The following ZNF248 variants were observed in gnomAD, a reference collection of about 807,000 sequenced individuals.
ZNF248 encodes zinc finger protein 248.
In ZNF248, 20 loss-of-function variants were observed where a neutral mutation model predicts 44.3. That is an observed-to-expected ratio of 0.45 (90% CI 0.32 to 0.66). ZNF248 has a LOEUF of 0.66. Among genes scored for constraint, ZNF248 ranks in the 30% least tolerant of loss-of-function variants. The pLI is 0.04. For synonymous variants in ZNF248, 224 were observed against 229.0 expected (o/e 0.98, Z 0.20); for missense variants, 654 against 677.0 (o/e 0.97, Z 0.38).
At chr10:37,809,507 A>T (rs1400705050) in intron 6 of ZNF248, among the ~76,000 whole-genome samples, 1 of 152,162 alleles carries the variant, frequency 6.6e-6, no homozygotes, top group Non-Finnish European at 1.5e-5. Flanking sequence ...TGAACTCCTG[A>T]CTTGAAGTGA....
At chr10:37,765,030 G>A in the ZNF248 span, among the ~76,000 whole-genome samples, 1 of 151,098 alleles carries the variant, frequency 6.6e-6, no homozygotes, top group African/African-American at 2.4e-5. Flanking sequence ...ATGCAATCTT[G>A]GCTCACCGCA....
In ZNF248 at chr10:37,813,347, T is replaced by C. The variant is rs182072427; in HGVS notation, c.330+19678A>G. Among the ~76,000 whole-genome samples, 357 of 152,312 alleles carry C rather than the reference T, an allele frequency of 2.3e-3. 2 individuals are homozygous for C. The highest frequency in any genetic ancestry group is 0.01 in the Admixed American group (157 of 15,298). ...AACAATAGGACTGTTACTGTACAGA[T>C]ACCTTTTTAGAAAAGCAAAAAGCAT... On this transcript the variant is annotated intron_variant, in intron 6 of 6. Transcript: ENST00000615949.
chr10:37,842,742 G>A lies in ZNF248; in HGVS notation c.16-4631C>T, dbSNP rs143017238. Among the ~76,000 whole-genome samples, 68 of 152,290 alleles carry A rather than the reference G, an allele frequency of 4.5e-4. No homozygotes were observed. In the East Asian group the frequency reaches 0.013, roughly 29 times the overall value. ...GCAGTCGTCTGCAGCAGAGGATTAT[G>A]GTTGAGACATATAGTATACCACTTA... On this transcript the variant is annotated intron_variant, in intron 3 of 5. Coordinates refer to ENST00000395867, the MANE Select transcript of ZNF248 (RefSeq NM_021045.3).
intron 6 of ZNF248, chr10:37,795,427 C>T (rs2049037624): frequency 6.6e-6 from 1 of 152,108 alleles, no homozygotes. Flanking sequence ...CTCATATATC[C>T]TGACAACTGA....
intron 5 of ZNF248, among the ~76,000 whole-genome samples, chr10:37,837,201 C>T (rs1320594580): frequency 1.3e-5 from 2 of 152,036 alleles, no homozygotes; most frequent in African/African-American, 2.4e-5. Context: ...GCAACCTCCA[C>T]CTCCCAGGTT....
intron 6 of ZNF248, among the ~76,000 whole-genome samples, chr10:37,780,363 A>G (rs921086809): frequency 2.0e-5 from 3 of 152,222 alleles, no homozygotes; most frequent in East Asian, 1.9e-4. Flanking sequence ...ATAACGCCAC[A>G]TATCTACAAC....
chr10:37,853,164 A>C (rs1208666), intron 3 of ZNF248, among the ~76,000 whole-genome samples: 9,117 of 152,080 alleles, frequency 0.06, 355 homozygotes, highest in Middle Eastern at 0.095. Context: ...AATTTTTAAA[A>C]TGACAAGGAT....
rs1304782331 is a variant in ZNF248 at position 37,829,014 on chromosome 10, A to G, written c.*2601T>C. ...TTATTTCTAACACTGAGCCTTCTAC[A>G]TAGGAATTTACAGAAATGAATAACA... On this transcript the variant is annotated 3_prime_UTR_variant, in exon 6 of 6. Coordinates refer to ENST00000395867, the MANE Select transcript of ZNF248 (RefSeq NM_021045.3). 1 of 985,358 alleles carries G rather than the reference A, an allele frequency of 1.0e-6. No homozygotes were observed. Among genetic ancestry groups the G allele is most frequent in the African/African-American group, 1.7e-5 (1 of 57,250 alleles). 61.0% of individuals were successfully genotyped at this position (985,358 alleles called of 1,614,324 possible). A position where few individuals can be genotyped will look rare whatever the true frequency, so the allele number is the denominator to read the frequency against.
At chr10:37,819,651 G>C in intron 6 of ZNF248, 5 of 803,128 alleles carry the variant, frequency 6.2e-6, no homozygotes, top group Non-Finnish European at 9.1e-6. Flanking sequence ...AGCTCTGCCT[G>C]GATCTCTGCT....
At chr10:37,759,778 C>G in the ZNF248 span, among the ~76,000 whole-genome samples, 11 of 152,336 alleles carry the variant, frequency 7.2e-5, no homozygotes, top group Non-Finnish European at 1.3e-4. Flanking sequence ...AAAATCTGCT[C>G]TGAATAGAAT....
chr10:37,788,161 A>T (rs895463279), intron 6 of ZNF248, among the ~76,000 whole-genome samples: 1 of 150,132 alleles, frequency 6.7e-6, no homozygotes, highest in African/African-American at 2.5e-5. Context: ...GCTACTCAGG[A>T]GGCTGAGGCA....
chr10:37,814,676 G>T (rs1360503840), intron 6 of ZNF248, among the ~76,000 whole-genome samples: 1 of 152,122 alleles, frequency 6.6e-6, no homozygotes, highest in East Asian at 1.9e-4. Context: ...TGACAGATTT[G>T]TTTTTCCCTT....
chr10:37,840,263 A>T (rs866187700), intron 3 of ZNF248, among the ~76,000 whole-genome samples: 2 of 152,190 alleles, frequency 1.3e-5, no homozygotes, highest in South Asian at 4.1e-4. Flanking sequence ...CTGAGAAAAA[A>T]TATTTGCAAA....
intron 3 of ZNF248, among the ~76,000 whole-genome samples, chr10:37,845,171 G>A (rs1300457843): frequency 1.3e-5 from 2 of 151,678 alleles, no homozygotes; most frequent in Admixed American, 1.3e-4. Flanking sequence ...CCAGGCACGT[G>A]CCACCACACT....
intron 6 of ZNF248, among the ~76,000 whole-genome samples, chr10:37,808,211 C>A (rs1589282090): frequency 1.3e-5 from 2 of 151,814 alleles, no homozygotes; most frequent in East Asian, 1.9e-4. Context: ...AGAAAAAAAT[C>A]CTGCTTGGTC....
At chr10:37,820,999 G>A (rs1023212479) in intron 6 of ZNF248, 27 of 1,492,226 alleles carry the variant, frequency 1.8e-5, no homozygotes, top group East Asian at 4.5e-5. Flanking sequence ...CTGGCAGAGC[G>A]TCTCCCGAGA....
the ZNF248 span, among the ~76,000 whole-genome samples, chr10:37,768,206 A>T: frequency 2.6e-4 from 40 of 152,328 alleles, no homozygotes; most frequent in African/African-American, 9.1e-4. Context: ...TGACAACATT[A>T]GATAGATCAA....
chr10:37,777,065 G>A (rs531312513), intron 6 of ZNF248, among the ~76,000 whole-genome samples: 35 of 152,148 alleles, frequency 2.3e-4, no homozygotes, highest in Non-Finnish European at 4.4e-4. Context: ...GAACCACTCC[G>A]CATGGCACAT....
intron 6 of ZNF248, among the ~76,000 whole-genome samples, chr10:37,781,203 C>G (rs1246794260): frequency 6.6e-6 from 1 of 152,122 alleles, no homozygotes; most frequent in Non-Finnish European, 1.5e-5. Context: ...TGGCTCAGGT[C>G]CCATCAGCTG....
Sources: gnomAD v4.1 joint callset for allele counts (sites outside exome capture counted in the v4.1 genomes callset) on GRCh38, gnomAD v4.1.1 for gene constraint, MANE v1.5 for transcripts, NCBI Gene and HGNC (gene_info 2026-07-23, HGNC 2026-07-21) for gene names.